The following PPFIA2 variants were observed in gnomAD, a reference collection of about 807,000 sequenced individuals.
The protein encoded by PPFIA2 is liprin-alpha-2.
In PPFIA2, 46 loss-of-function variants were observed where a neutral mutation model predicts 175.5. The observed-to-expected ratio is 0.26, with a 90% CI of 0.21 to 0.34. The LOEUF is 0.34. PPFIA2 is among the 10% of genes least tolerant of loss of function. PPFIA2 has a pLI of 1.00. For synonymous variants in PPFIA2, 568 were observed against 511.4 expected (o/e 1.11, Z -1.49); for missense variants, 1,179 against 1,506.1 (o/e 0.78, Z 3.60).
At chr12:81,395,845 C>T (rs570676548) in intron 8 of PPFIA2, among the ~76,000 whole-genome samples, 2 of 152,182 alleles carry the variant, frequency 1.3e-5, no homozygotes, top group African/African-American at 4.8e-5. Context: ...CAAAAAGAAT[C>T]ATTTGCAAAA....
chr12:81,408,244 A>T (rs901335697), intron 7 of PPFIA2, among the ~76,000 whole-genome samples: 1 of 152,170 alleles, frequency 6.6e-6, no homozygotes, highest in African/African-American at 2.4e-5. Flanking sequence ...CTCTTAACTT[A>T]TTGCTTTTTG....
intron 3 of PPFIA2, among the ~76,000 whole-genome samples, chr12:81,685,097 T>A (rs558170339): frequency 5.3e-5 from 8 of 152,210 alleles, no homozygotes; most frequent in African/African-American, 1.9e-4. Flanking sequence ...TAACATCTCA[T>A]AGTGTGTTGG....
At chr12:81,329,518 C>A (rs2055643086) in intron 21 of PPFIA2, among the ~76,000 whole-genome samples, 1 of 151,932 alleles carries the variant, frequency 6.6e-6, no homozygotes, top group African/African-American at 2.4e-5. Context: ...CAGTTTTGAA[C>A]CACCAAAAAA....
rs549657794 is a variant in PPFIA2, at chr12:81,410,787, C to A, written c.646-4884G>T. Among the ~76,000 whole-genome samples, 396 of 152,078 alleles carry A rather than the reference C, an allele frequency of 2.6e-3. 1 individual carries two copies. The highest frequency in any genetic ancestry group is 9.2e-3 in the African/African-American group (381 of 41,512). ...ATATTATTACTTTACATGTTTCTGG[C>A]TGAGCTATGGGAAACGATTCTCTCT... On this transcript the variant is annotated intron_variant, in intron 7 of 32. Coordinates refer to ENST00000549396, the MANE Select transcript of PPFIA2 (RefSeq NM_003625.5).
At chr12:81,613,411 T>G (rs962248684) in intron 4 of PPFIA2, among the ~76,000 whole-genome samples, 1 of 152,188 alleles carries the variant, frequency 6.6e-6, no homozygotes, top group African/African-American at 2.4e-5. Context: ...CTATGTATTA[T>G]GTAGTGCACT....
At chr12:81,748,867 T>C (rs564007687) in intron 3 of PPFIA2, among the ~76,000 whole-genome samples, 2 of 144,812 alleles carry the variant, frequency 1.4e-5, no homozygotes, top group Non-Finnish European at 3.1e-5. Context: ...TTATACCACA[T>C]AGAAATTCCT....
At chr12:81,637,220 C>A (rs1164441768) in intron 4 of PPFIA2, among the ~76,000 whole-genome samples, 1 of 138,630 alleles carries the variant, frequency 7.2e-6, no homozygotes, top group Non-Finnish European at 1.5e-5. Context: ...CAGGCATGCG[C>A]TACCACGCCA....
At chr12:81,436,182 G>A (rs139725582) in intron 7 of PPFIA2, among the ~76,000 whole-genome samples, 84 of 150,460 alleles carry the variant, frequency 5.6e-4, no homozygotes, top group Admixed American at 1.5e-3. Context: ...TCGTAAGGCT[G>A]AGGCTTGAGG....
At chr12:81,693,665 G>A (rs1319681741) in intron 3 of PPFIA2, among the ~76,000 whole-genome samples, 1 of 152,168 alleles carries the variant, frequency 6.6e-6, no homozygotes, top group Admixed American at 6.6e-5. Context: ...AAGTGACTGT[G>A]TAACTGGGTA....
Position 81,740,078 on chromosome 12 carries a change from A to G in PPFIA2, c.249+13895T>C, listed in dbSNP as rs1026121966. ...CAGGGCCAACAATCTCACTTTTTGA[A>G]AAGCAAAAATGATTTAAAATATTCA... On this transcript the variant is annotated intron_variant, in intron 3 of 32. Transcript: ENST00000549396. Among the ~76,000 whole-genome samples, 4 of 152,242 alleles carry G rather than the reference A, an allele frequency of 2.6e-5. No individual in the cohort carries two copies. The South Asian group carries it at 8.3e-4, about 32-fold the overall frequency.
intron 4 of PPFIA2, among the ~76,000 whole-genome samples, chr12:81,613,005 G>A (rs960427301): frequency 6.6e-6 from 1 of 152,056 alleles, no homozygotes; most frequent in African/African-American, 2.4e-5. Context: ...AAATTATAAT[G>A]TTAAATCATA....
intron 3 of PPFIA2, among the ~76,000 whole-genome samples, chr12:81,720,543 T>C (rs148335146): frequency 4.6e-5 from 7 of 151,428 alleles, no homozygotes; most frequent in African/African-American, 1.7e-4. Context: ...CTGTCTTCAA[T>C]ACACAATAGG....
rs959429949 is a variant in PPFIA2, at chr12:81,511,173, G to T, written c.304-53307C>A. Among the ~76,000 whole-genome samples the T allele has an allele frequency of 2.0e-5, 3 of 152,054 alleles. No homozygotes were observed. In the East Asian group the frequency reaches 5.8e-4, roughly 29 times the overall value. The stretch of plus-strand genomic sequence containing the variant: ...TACAGAGATGATTCTGAAAAATATT[G>T]GGTCAATTTTGTGACCATTTTTGAC... On this transcript the variant is annotated intron_variant, in intron 4 of 32. Coordinates refer to ENST00000549396, the MANE Select transcript of PPFIA2 (RefSeq NM_003625.5).
chr12:81,664,496 C>T (rs1217191034), intron 4 of PPFIA2, among the ~76,000 whole-genome samples: 1 of 152,102 alleles, frequency 6.6e-6, no homozygotes, highest in Non-Finnish European at 1.5e-5. Context: ...GATACCATCT[C>T]ACACCAGTTA....
At chr12:81,713,823 T>C (rs10506848) in intron 3 of PPFIA2, among the ~76,000 whole-genome samples, 79,239 of 150,954 alleles carry the variant, frequency 0.52, 22,438 homozygotes, top group Middle Eastern at 0.71. Context: ...GAGAAAATAG[T>C]GGAGAACAAA....
intron 7 of PPFIA2, among the ~76,000 whole-genome samples, chr12:81,433,769 T>A (rs760023332): frequency 1.4e-4 from 21 of 152,154 alleles, no homozygotes; most frequent in Non-Finnish European, 2.6e-4. Flanking sequence ...ATATCACTGT[T>A]ACTGAGTGAA....
intron 4 of PPFIA2, among the ~76,000 whole-genome samples, chr12:81,466,939 CATAA>C (rs1324962358): frequency 1.7e-4 from 25 of 146,776 alleles, no homozygotes; most frequent in African/African-American, 5.7e-4. Flanking sequence ...AAATAATATA[CATAA>C]ATATATATAT....
chr12:81,659,223 C>G (rs1376841178), intron 4 of PPFIA2, among the ~76,000 whole-genome samples: 1 of 152,056 alleles, frequency 6.6e-6, no homozygotes, highest in Non-Finnish European at 1.5e-5. Context: ...GGGTGCAGGA[C>G]AGTGGTACAG....
At chr12:81,280,620 T>C (rs896895770) in intron 27 of PPFIA2, among the ~76,000 whole-genome samples, 20 of 152,052 alleles carry the variant, frequency 1.3e-4, no homozygotes, top group African/African-American at 4.1e-4. Context: ...AACATAAACA[T>C]AGCATTTATG....
Sources: allele counts gnomAD v4.1 joint callset (sites outside exome capture counted in the v4.1 genomes callset), GRCh38; gene constraint gnomAD v4.1.1; transcripts MANE v1.5; gene names NCBI Gene and HGNC (gene_info 2026-07-23, HGNC 2026-07-21).